SNX13: variants seen among roughly 807,000 people sequenced by gnomAD.
The protein encoded by SNX13 is sorting nexin 13.
A neutral mutation model predicts 133.6 loss-of-function variants in SNX13; 45 were observed. The ratio of observed to expected loss-of-function variants is 0.34; its 90% CI spans 0.27 to 0.43. The LOEUF (loss-of-function observed/expected upper bound fraction) is 0.43, where lower values mean the gene tolerates loss of function less well. SNX13 is among the 20% of genes least tolerant of loss of function. The probability of loss-of-function intolerance (pLI) is 1.00; values close to 1 mark genes in which losing one functional copy is unlikely to be tolerated. For synonymous variants in SNX13, 414 were observed against 373.9 expected (o/e 1.11, Z -1.24); for missense variants, 1,032 against 1,145.1 (o/e 0.90, Z 1.43).
At chr7:17,841,386 T>C (rs532778675) in intron 12 of SNX13, among the ~76,000 whole-genome samples, 6 of 152,170 alleles carry the variant, frequency 3.9e-5, no homozygotes, top group Admixed American at 6.6e-5. Flanking sequence ...AAGTTCAGAA[T>C]AGTCTTGAGA....
chr7:17,862,348 T>G (rs1467865535), intron 9 of SNX13, among the ~76,000 whole-genome samples: 1 of 152,232 alleles, frequency 6.6e-6, no homozygotes, highest in Non-Finnish European at 1.5e-5. Flanking sequence ...GCCTGAATTT[T>G]AACTTAAATG....
At chr7:17,859,826 G>T (rs988859048) in intron 9 of SNX13, among the ~76,000 whole-genome samples, 1 of 152,070 alleles carries the variant, frequency 6.6e-6, no homozygotes, top group Non-Finnish European at 1.5e-5. Context: ...GGATATACAG[G>T]ATTTCCTTTT....
chr7:17,914,528 T>C (rs1004138823), intron 1 of SNX13, among the ~76,000 whole-genome samples: 2 of 152,170 alleles, frequency 1.3e-5, no homozygotes, highest in Non-Finnish European at 2.9e-5. Flanking sequence ...AACAGCGGAC[T>C]TCTCAGCAGA....
intron 1 of SNX13, among the ~76,000 whole-genome samples, chr7:17,924,821 C>A (rs1262683861): frequency 6.6e-6 from 1 of 152,138 alleles, no homozygotes; most frequent in Admixed American, 6.5e-5. Flanking sequence ...TTACATGATA[C>A]AACATGGATG....
At chr7:17,803,026 A>G (rs1375420643) in intron 21 of SNX13, among the ~76,000 whole-genome samples, 3 of 152,150 alleles carry the variant, frequency 2.0e-5, no homozygotes, top group Non-Finnish European at 2.9e-5. Context: ...AAATCAGGAG[A>G]AATAAGACTT....
intron 1 of SNX13, among the ~76,000 whole-genome samples, chr7:17,915,619 CTGT>C (rs1799468228): frequency 6.6e-6 from 1 of 151,260 alleles, no homozygotes; most frequent in African/African-American, 2.5e-5. Flanking sequence ...CTCTGTCTGT[CTGT>C]CTGTCTGTCT....
intron 1 of SNX13, among the ~76,000 whole-genome samples, chr7:17,925,376 G>A (rs746906031): frequency 3.3e-5 from 5 of 152,094 alleles, no homozygotes; most frequent in Admixed American, 6.5e-5. Flanking sequence ...AGCAAAAGCC[G>A]TTGAATTGAA....
At chr7:17,812,762 T>C (rs772382819) in intron 20 of SNX13, among the ~76,000 whole-genome samples, 13 of 152,134 alleles carry the variant, frequency 8.5e-5, no homozygotes, top group African/African-American at 2.4e-4. Context: ...CCATTGATGA[T>C]AGACTGGATA....
At chr7:17,797,929 T>C (rs776251895) in intron 24 of SNX13, among the ~76,000 whole-genome samples, 2 of 151,712 alleles carry the variant, frequency 1.3e-5, no homozygotes, top group Non-Finnish European at 3.0e-5. Flanking sequence ...TATAACAAAA[T>C]AGAGACAAAA....
chr7:17,793,345 G>A lies in SNX13; in HGVS notation c.*700C>T, dbSNP rs570806806. The A allele has an allele frequency of 8.5e-5, 13 of 152,210 alleles. No homozygotes were observed. Among genetic ancestry groups the A allele is most frequent in the African/African-American group, 2.7e-4 (11 of 41,500 alleles). 9.4% of individuals were successfully genotyped at this position (152,210 alleles called of 1,614,324 possible). The stretch of plus-strand genomic sequence containing the variant: ...GGAAACATAAAATTGAGTACCCTAA[G>A]AGCAAAACACAGCCCTTAAAGCACA... On this transcript the variant is annotated 3_prime_UTR_variant, in exon 26 of 26. Transcript: ENST00000428135.
At chr7:17,919,292 A>G (rs1799879066) in intron 1 of SNX13, among the ~76,000 whole-genome samples, 1 of 152,152 alleles carries the variant, frequency 6.6e-6, no homozygotes, top group Non-Finnish European at 1.5e-5. Context: ...AAAATCAGAA[A>G]AGCCATAAAT....
chr7:17,930,299 G>C, intron 1 of SNX13, among the ~76,000 whole-genome samples: 1 of 152,092 alleles, frequency 6.6e-6, no homozygotes, highest in African/African-American at 2.4e-5. Flanking sequence ...AGGTCAAAAT[G>C]CTCGGAATCG....
In SNX13 at chr7:17,845,696, T is replaced by TG; in HGVS notation, c.1066-3_1066-2insC. ...TGCAAGTTTCACAGTATTTATTTCC[T>TG]ACAGGCAAAAGTGAATATAAGTTAA... On this transcript the variant is annotated splice_region_variant and splice_polypyrimidine_tract_variant and intron_variant, in intron 11 of 25. Coordinates refer to ENST00000428135, the MANE Select transcript of SNX13 (RefSeq NM_015132.5). 6.3e-7 allele frequency: 1 copy of TG among 1,577,302 alleles called. No individual in the cohort carries two copies. The highest frequency in any genetic ancestry group is 8.6e-7 in the Non-Finnish European group (1 of 1,158,096).
At chr7:17,901,306 C>T (rs990803817) in intron 1 of SNX13, among the ~76,000 whole-genome samples, 1 of 152,144 alleles carries the variant, frequency 6.6e-6, no homozygotes, top group African/African-American at 2.4e-5. Context: ...GGTGCAAGTG[C>T]TCTCTTCGTC....
At chr7:17,903,814 T>C (rs1267758251) in intron 1 of SNX13, among the ~76,000 whole-genome samples, 1 of 152,194 alleles carries the variant, frequency 6.6e-6, no homozygotes, top group East Asian at 1.9e-4. Context: ...CAGCTTAATA[T>C]GCCTCCCAAG....
intron 1 of SNX13, among the ~76,000 whole-genome samples, chr7:17,917,760 G>C (rs1799716188): frequency 6.6e-6 from 1 of 151,948 alleles, no homozygotes; most frequent in African/African-American, 2.4e-5. Flanking sequence ...TCCTATCAAA[G>C]TGTCAACATC....
Position 17,831,528 on chromosome 7 carries a change from T to C in SNX13, c.1598-1481A>G, listed in dbSNP as rs916652394. The C allele has an allele frequency of 1.0e-4, 99 of 984,034 alleles. No individual in the cohort carries two copies. In the African/African-American group the frequency reaches 1.6e-3, roughly 16 times the overall value. 61.0% of individuals were successfully genotyped at this position (984,034 alleles called of 1,614,324 possible). On this transcript the variant is annotated intron_variant, in intron 15 of 25. Transcript: ENST00000428135. The stretch of plus-strand genomic sequence containing the variant: ...GCTAATTCTCTACCTACTGTTAAGT[T>C]TGGTTAAATAGGAATGAAATTTCTA...
intron 21 of SNX13, among the ~76,000 whole-genome samples, chr7:17,802,886 TA>T (rs79173948): frequency 0.082 from 12,375 of 150,176 alleles, 719 homozygotes; most frequent in East Asian, 0.19. Context: ...TTAATGTAAT[TA>T]AAAAAAAAAT....
intron 18 of SNX13, among the ~76,000 whole-genome samples, chr7:17,816,528 G>T (rs1317862851): frequency 6.6e-6 from 1 of 152,146 alleles, no homozygotes; most frequent in East Asian, 1.9e-4. Context: ...GGGCATGGTG[G>T]CACATGCCTG....
Sources: allele counts gnomAD v4.1 joint callset (sites outside exome capture counted in the v4.1 genomes callset), GRCh38; gene constraint gnomAD v4.1.1; transcripts MANE v1.5; gene names NCBI Gene and HGNC (gene_info 2026-07-23, HGNC 2026-07-21).